ASIC2: variants seen among roughly 807,000 people sequenced by gnomAD.
ASIC2 encodes acid sensing ion channel subunit 2.
In ASIC2, 25 loss-of-function variants were observed where a neutral mutation model predicts 57.3. The ratio of observed to expected loss-of-function variants is 0.44; its 90% CI spans 0.32 to 0.61. The LOEUF (loss-of-function observed/expected upper bound fraction) is 0.61, where lower values mean the gene tolerates loss of function less well. Ranked by LOEUF, ASIC2 falls within the 20% of genes least tolerant of loss-of-function variation. The pLI, the probability that ASIC2 is intolerant of heterozygous loss-of-function variation, is 0.06. For missense variants in ASIC2, 641 were observed against 738.1 expected, an observed-to-expected ratio of 0.87 and a Z score of 1.52; for synonymous variants, 319 against 307.5, an observed-to-expected ratio of 1.04 and a Z score of -0.39.
At chr17:33,975,353 C>T (rs1435082005) in intron 1 of ASIC2, among the ~76,000 whole-genome samples, 1 of 152,120 alleles carries the variant, frequency 6.6e-6, no homozygotes, top group Non-Finnish European at 1.5e-5. Context: ...GAAGATGGCT[C>T]AATCTTCGCC....
intron 1 of ASIC2, among the ~76,000 whole-genome samples, chr17:34,077,122 T>C (rs1385453702): frequency 1.3e-5 from 2 of 152,222 alleles, no homozygotes; most frequent in East Asian, 3.8e-4. Context: ...CCAGGCCATC[T>C]GGCTCCAGAG....
chr17:33,827,354 CAG>C (rs1414896699), intron 1 of ASIC2, among the ~76,000 whole-genome samples: 1 of 8,934 alleles, frequency 1.1e-4, no homozygotes, highest in Non-Finnish European at 3.7e-4. Flanking sequence ...TTTTTTGAGA[CAG>C]AGTCTTGCTC....
chr17:33,811,214 C>A (rs1026064315), intron 1 of ASIC2, among the ~76,000 whole-genome samples: 2 of 152,210 alleles, frequency 1.3e-5, no homozygotes, highest in African/African-American at 4.8e-5. Flanking sequence ...CCTGCTCCAG[C>A]CCTCCTTCTC....
At chr17:33,693,168 C>G (rs1219608738) in intron 1 of ASIC2, among the ~76,000 whole-genome samples, 1 of 152,160 alleles carries the variant, frequency 6.6e-6, no homozygotes, top group African/African-American at 2.4e-5. Context: ...TCCCAATGAT[C>G]TATCTGTCTA....
intron 1 of ASIC2, among the ~76,000 whole-genome samples, chr17:33,308,961 C>T (rs1419594691): frequency 6.6e-6 from 1 of 152,170 alleles, no homozygotes. Context: ...TAGCCATGTT[C>T]TACGTATGTT....
chr17:34,112,245 T>C (rs1567826444), intron 1 of ASIC2, among the ~76,000 whole-genome samples: 1 of 152,280 alleles, frequency 6.6e-6, no homozygotes, highest in East Asian at 1.9e-4. Context: ...TTTTCATTTG[T>C]AAAACAGTGA....
chr17:33,216,833 G>A (rs1907507307), intron 1 of ASIC2, among the ~76,000 whole-genome samples: 1 of 152,210 alleles, frequency 6.6e-6, no homozygotes, highest in East Asian at 1.9e-4. Flanking sequence ...AAGTGAGACG[G>A]TGGGTGGTTC....
intron 1 of ASIC2, among the ~76,000 whole-genome samples, chr17:33,489,789 C>G (rs148009131): frequency 6.6e-6 from 1 of 152,340 alleles, no homozygotes; most frequent in Non-Finnish European, 1.5e-5. Flanking sequence ...CAAGCATTCA[C>G]TGAGAATTCC....
intron 1 of ASIC2, among the ~76,000 whole-genome samples, chr17:33,762,857 T>C (rs1187942778): frequency 6.6e-6 from 1 of 152,168 alleles, no homozygotes; most frequent in Non-Finnish European, 1.5e-5. Flanking sequence ...GGTGAGTGAC[T>C]CCTGGAGAGG....
intron 1 of ASIC2, among the ~76,000 whole-genome samples, chr17:33,759,133 T>C (rs999331881): frequency 2.0e-5 from 3 of 152,138 alleles, no homozygotes; most frequent in African/African-American, 7.2e-5. Flanking sequence ...GGTAGAAATA[T>C]GGACAGTAAA....
chr17:33,204,312 G>T (rs541679772), intron 1 of ASIC2, among the ~76,000 whole-genome samples: 1 of 152,180 alleles, frequency 6.6e-6, no homozygotes, highest in Non-Finnish European at 1.5e-5. Flanking sequence ...TTACCTGCAG[G>T]CTCAGCCCAT....
At chr17:33,572,127 A>G (rs912069825) in intron 1 of ASIC2, 1 of 152,248 alleles carries the variant, frequency 6.6e-6, no homozygotes. Context: ...ATTGCTGTGC[A>G]TATATATTAG....
intron 1 of ASIC2, among the ~76,000 whole-genome samples, chr17:34,045,047 G>C (rs897481667): frequency 2.6e-5 from 4 of 152,192 alleles, no homozygotes; most frequent in African/African-American, 9.7e-5. Flanking sequence ...TCCTTCCATA[G>C]AGGGACGTGC....
At chr17:33,586,922 G>T (rs551514253) in intron 1 of ASIC2, among the ~76,000 whole-genome samples, 1 of 152,150 alleles carries the variant, frequency 6.6e-6, no homozygotes, top group East Asian at 1.9e-4. Context: ...GATCTGTTTT[G>T]ATCTCAGCTA....
chr17:33,744,033 A>C (rs1910187671), intron 1 of ASIC2, among the ~76,000 whole-genome samples: 1 of 152,196 alleles, frequency 6.6e-6, no homozygotes, highest in African/African-American at 2.4e-5. Context: ...TTGCCTAGCC[A>C]GTCTCTAAGG....
At chr17:33,129,486 G>A (rs745751541) in intron 1 of ASIC2, among the ~76,000 whole-genome samples, 3 of 152,232 alleles carry the variant, frequency 2.0e-5, no homozygotes, top group Non-Finnish European at 4.4e-5. Flanking sequence ...ATGGAGAATA[G>A]TTCTAGGATT....
At chr17:33,925,443 T>A (rs760179346) in intron 1 of ASIC2, among the ~76,000 whole-genome samples, 43 of 152,230 alleles carry the variant, frequency 2.8e-4, no homozygotes, top group Admixed American at 2.5e-3. Flanking sequence ...CACATAGAGC[T>A]TCTTTCTTCC....
chr17:33,459,097 T>C (rs568236866), intron 1 of ASIC2, among the ~76,000 whole-genome samples: 8 of 151,984 alleles, frequency 5.3e-5, no homozygotes, highest in African/African-American at 1.9e-4. Context: ...TTTTGTGTTT[T>C]CTGTTTTTTT....
intron 1 of ASIC2, among the ~76,000 whole-genome samples, chr17:33,683,496 C>T (rs1202608683): frequency 2.6e-5 from 4 of 152,206 alleles, no homozygotes; most frequent in Admixed American, 2.6e-4. Flanking sequence ...CTCAGCCTCC[C>T]AAGTAGGTGG....
Sources: gnomAD v4.1 joint callset for allele counts (sites outside exome capture counted in the v4.1 genomes callset) on GRCh38, gnomAD v4.1.1 for gene constraint, MANE v1.5 for transcripts, NCBI Gene and HGNC (gene_info 2026-07-23, HGNC 2026-07-21) for gene names.